Variants in ARFGEF1 observed in about 807,000 individuals in gnomAD.
ARFGEF1 encodes the protein brefeldin A-inhibited guanine nucleotide-exchange protein 1.
Under a neutral mutation model 231.0 loss-of-function variants are expected in ARFGEF1, and 42 were observed. The ratio of observed to expected loss-of-function variants is 0.18; its 90% CI spans 0.14 to 0.24. The LOEUF (loss-of-function observed/expected upper bound fraction) is 0.24, where lower values mean the gene tolerates loss of function less well. ARFGEF1 is among the 10% of genes least tolerant of loss of function. The pLI is 1.00. For synonymous variants in ARFGEF1, 710 were observed against 732.3 expected (o/e 0.97, Z 0.49); for missense variants, 1,345 against 2,192.0 (o/e 0.61, Z 7.72).
At chr8:67,213,207 A>G (rs1207998775) in intron 33 of ARFGEF1, among the ~76,000 whole-genome samples, 2 of 152,222 alleles carry the variant, frequency 1.3e-5, no homozygotes, top group African/African-American at 4.8e-5. Context: ...TAAGAAAGTT[A>G]AAAGTTGTGG....
At chr8:67,241,564 CTG>C (rs1240119140) in intron 19 of ARFGEF1, among the ~76,000 whole-genome samples, 1 of 152,140 alleles carries the variant, frequency 6.6e-6, no homozygotes, top group Non-Finnish European at 1.5e-5. Context: ...AATAGTTAAA[CTG>C]TGCACTCATA....
intron 7 of ARFGEF1, among the ~76,000 whole-genome samples, chr8:67,285,388 G>T (rs958036860): frequency 5.9e-5 from 9 of 152,098 alleles, no homozygotes; most frequent in Admixed American, 4.6e-4. Context: ...GTGGTGGTGT[G>T]TAACTGTAGA....
At chr8:67,202,609 G>C (rs1467340756) in intron 36 of ARFGEF1, among the ~76,000 whole-genome samples, 2 of 152,034 alleles carry the variant, frequency 1.3e-5, no homozygotes, top group Non-Finnish European at 2.9e-5. Context: ...TATAATAAAA[G>C]CTTATTTTTT....
Position 67,218,088 on chromosome 8 carries a change from A to G in ARFGEF1, c.4389T>C (p.Cys1463=), listed in dbSNP as rs758636724. The change falls in exon 31 of 39, where the codon TGT becomes TGC. Residue 1463 remains cysteine, a synonymous_variant. Transcript: ENST00000262215. ...TTCNHALYAI[C]DVFTQYLEVL... is the part of the protein sequence containing the mutation. Reference sequence around the variant, plus strand: ...CTTCTAAATACTGAGTGAATACATCACAGATTGCATAAAGTGCATGATTGC... The same window carrying G: ...CTTCTAAATACTGAGTGAATACATCGCAGATTGCATAAAGTGCATGATTGC... 1.9e-6 allele frequency: 3 copies of G among 1,593,818 alleles called. No individual in the cohort carries two copies. The highest frequency in any genetic ancestry group is 1.3e-5 in the African/African-American group (1 of 74,226).
At chr8:67,206,168 G>C (rs1040766395) in intron 34 of ARFGEF1, among the ~76,000 whole-genome samples, 56 of 152,104 alleles carry the variant, frequency 3.7e-4, no homozygotes, top group Non-Finnish European at 2.8e-4. Flanking sequence ...CCAGCACTTT[G>C]GGAGGCCAAG....
chr8:67,243,772 A>G (rs1433792155), intron 19 of ARFGEF1, among the ~76,000 whole-genome samples: 1 of 152,222 alleles, frequency 6.6e-6, no homozygotes, highest in Non-Finnish European at 1.5e-5. Context: ...ACTAAATACC[A>G]GGGACCAATC....
At chr8:67,258,925 C>G (rs984516185) in intron 15 of ARFGEF1, among the ~76,000 whole-genome samples, 1 of 151,904 alleles carries the variant, frequency 6.6e-6, no homozygotes, top group African/African-American at 2.4e-5. Context: ...CATGGATGCT[C>G]AAGTTCCTTA....
At chr8:67,224,810 G>A (rs1020933959) in intron 29 of ARFGEF1, 93 bp downstream of exon 29, 8 of 827,406 alleles carry the variant, frequency 9.7e-6, no homozygotes, top group Non-Finnish European at 1.4e-5. Flanking sequence ...TGATTTTATG[G>A]TCTTTAACTG....
At chr8:67,298,135 A>G (rs2128913456) in intron 4 of ARFGEF1, among the ~76,000 whole-genome samples, 1 of 151,872 alleles carries the variant, frequency 6.6e-6, no homozygotes. Context: ...AAGATATTGT[A>G]TGGCTTCTGA....
At chr8:67,204,642 C>T (rs1838448381) in intron 35 of ARFGEF1, 38 bp downstream of exon 35, 1 of 1,589,332 alleles carries the variant, frequency 6.3e-7, no homozygotes, top group Non-Finnish European at 8.6e-7. Context: ...TAACTTCCTA[C>T]TTACACAAAA....
chr8:67,266,189 T>C lies in ARFGEF1; in HGVS notation c.1940A>G (p.Glu647Gly). ...QTTLGQEKPSEQEMSEIKHPE... is the reference protein window; with the variant it reads ...QTTLGQEKPSGQEMSEIKHPE... ...GTGTTTGATTTCACTCATCTCTTGC[T>C]CTGAGGGTTTTTCCTGACCTGAAAG... is the stretch of plus-strand genomic sequence containing the variant. The change falls in exon 14 of 39, where the codon GAG becomes GGG. Residue 647 changes from glutamate (E) to glycine (G), a missense_variant. Physicochemically the swap from Glu to Gly is moderately conservative, Grantham distance 98 (BLOSUM62 -2). Coordinates refer to ENST00000262215, the MANE Select transcript of ARFGEF1 (RefSeq NM_006421.5). 1 of 1,613,552 alleles carries C rather than the reference T, an allele frequency of 6.2e-7. No homozygotes were observed. Among genetic ancestry groups the C allele is most frequent in the Non-Finnish European group, 8.5e-7 (1 of 1,179,712 alleles).
chr8:67,287,600 C>T (rs1805813895), intron 7 of ARFGEF1, among the ~76,000 whole-genome samples: 3 of 152,154 alleles, frequency 2.0e-5, no homozygotes, highest in Admixed American at 2.0e-4. Flanking sequence ...GTTACAAAGT[C>T]TTCTTGATTC....
At chr8:67,176,961 C>T (rs1457529967) in intron 5 of ARFGEF1, among the ~76,000 whole-genome samples, 1 of 151,620 alleles carries the variant, frequency 6.6e-6, no homozygotes, top group African/African-American at 2.4e-5. Flanking sequence ...GTCCCAGCTA[C>T]TCCGGAGCCT....
intron 7 of ARFGEF1, among the ~76,000 whole-genome samples, chr8:67,281,826 TCAAAA>T (rs1368070176): frequency 6.6e-6 from 1 of 151,922 alleles, no homozygotes; most frequent in Non-Finnish European, 1.5e-5. Context: ...CAAAATATTA[TCAAAA>T]CTAAACCAAA....
At chr8:67,175,627 G>T in intron 5 of ARFGEF1, 6 of 711,330 alleles carry the variant, frequency 8.4e-6, no homozygotes, top group Non-Finnish European at 1.3e-5. Context: ...GCTCCACTAG[G>T]GTGGTGTATT....
rs575871600 is a variant in ARFGEF1, at chr8:67,288,762, G to A, written c.917-697C>T. The stretch of plus-strand genomic sequence containing the variant: ...AAAAAAAGTAATTAAAGCTTGTTTC[G>A]ATTACTTAGGCTCATCAATAGTAAG... On this transcript the variant is annotated intron_variant, in intron 6 of 38. Transcript: ENST00000262215. Among the ~76,000 whole-genome samples, 195 of 151,984 alleles carry A rather than the reference G, an allele frequency of 1.3e-3. 2 individuals are homozygous for A. The highest frequency in any genetic ancestry group is 4.3e-3 in the African/African-American group (180 of 41,466).
chr8:67,206,675 CA>C (rs1360566959), intron 34 of ARFGEF1, among the ~76,000 whole-genome samples: 2 of 152,198 alleles, frequency 1.3e-5, no homozygotes, highest in Non-Finnish European at 2.9e-5. Flanking sequence ...AAAGAGGACT[CA>C]ACTCCTGAGA....
chr8:67,186,579 ACAT>A (rs1834672585), intron 5 of ARFGEF1, among the ~76,000 whole-genome samples: 1 of 152,220 alleles, frequency 6.6e-6, no homozygotes, highest in African/African-American at 2.4e-5. Context: ...CCTACAGCTA[ACAT>A]CATAATGATG....
intron 5 of ARFGEF1, among the ~76,000 whole-genome samples, chr8:67,188,127 A>G (rs1172503230): frequency 6.6e-6 from 1 of 152,242 alleles, no homozygotes; most frequent in African/African-American, 2.4e-5. Context: ...ATTATTTGCA[A>G]AAGACATGTC....
Sources: allele counts gnomAD v4.1 joint callset (sites outside exome capture counted in the v4.1 genomes callset), GRCh38; gene constraint gnomAD v4.1.1; transcripts MANE v1.5; gene names NCBI Gene and HGNC (gene_info 2026-07-23, HGNC 2026-07-21).